Variants in XRN2 observed in about 807,000 individuals in gnomAD.
XRN2 encodes the protein 5'-3' exoribonuclease 2, also known as DHM1-like protein.
Under a neutral mutation model 138.5 loss-of-function variants are expected in XRN2, and 44 were observed. The ratio of observed to expected loss-of-function variants is 0.32; its 90% CI spans 0.25 to 0.41. XRN2 has a LOEUF of 0.41. Ranked by LOEUF, XRN2 falls within the 10% of genes least tolerant of loss-of-function variation. The probability of loss-of-function intolerance (pLI) is 1.00; values close to 1 mark genes in which losing one functional copy is unlikely to be tolerated. For synonymous variants in XRN2, 354 were observed against 369.4 expected (o/e 0.96, Z 0.48); for missense variants, 937 against 1,169.3 (o/e 0.80, Z 2.90).
At chr20:21,360,781 A>T (rs887053187) in intron 24 of XRN2, among the ~76,000 whole-genome samples, 20 of 152,210 alleles carry the variant, frequency 1.3e-4, no homozygotes, top group Non-Finnish European at 2.5e-4. Flanking sequence ...AAGGAAGTGG[A>T]ATACATGCAG....
chr20:21,347,220 C>T (rs1285298677), intron 17 of XRN2, among the ~76,000 whole-genome samples: 1 of 151,968 alleles, frequency 6.6e-6, no homozygotes, highest in Admixed American at 6.6e-5. Context: ...GAGGACAAAC[C>T]CTGGAAAATA....
intron 26 of XRN2, among the ~76,000 whole-genome samples, chr20:21,367,791 T>C (rs1396023859): frequency 6.6e-6 from 1 of 152,182 alleles, no homozygotes. Flanking sequence ...CTTAACTTTT[T>C]CCATTATTTC....
At chr20:21,325,879 G>A (rs886512051) in intron 1 of XRN2, among the ~76,000 whole-genome samples, 2 of 152,226 alleles carry the variant, frequency 1.3e-5, no homozygotes, top group African/African-American at 4.8e-5. Flanking sequence ...TTAGGTTAGA[G>A]ATGGTAACTT....
intron 21 of XRN2, among the ~76,000 whole-genome samples, chr20:21,355,815 C>T (rs1037832375): frequency 2.0e-5 from 3 of 152,024 alleles, no homozygotes; most frequent in African/African-American, 7.2e-5. Context: ...TATCCATCAC[C>T]TCACATTTAT....
At chr20:21,352,402 A>C (rs1176971702) in intron 20 of XRN2, among the ~76,000 whole-genome samples, 1 of 151,780 alleles carries the variant, frequency 6.6e-6, no homozygotes, top group African/African-American at 2.4e-5. Context: ...ATCTCGGCTC[A>C]CTGTAACCTC....
At chr20:21,374,535 C>CT (rs2038797506) in intron 27 of XRN2, among the ~76,000 whole-genome samples, 1 of 151,994 alleles carries the variant, frequency 6.6e-6, no homozygotes. Flanking sequence ...TTATCAGATG[C>CT]TTTTTTCTCT....
chr20:21,322,197 A>G (rs2038055792), intron 1 of XRN2, among the ~76,000 whole-genome samples: 1 of 152,236 alleles, frequency 6.6e-6, no homozygotes, highest in South Asian at 2.1e-4. Flanking sequence ...TATCACGTTA[A>G]GTGCTCCGTA....
At chr20:21,338,452 A>G (rs752570763) in intron 13 of XRN2, among the ~76,000 whole-genome samples, 17 of 151,880 alleles carry the variant, frequency 1.1e-4, no homozygotes, top group Admixed American at 3.3e-4. Flanking sequence ...ATACACCTCA[A>G]TTTCCTTCCT....
At chr20:21,386,798 C>T (rs956128064) in intron 28 of XRN2, 70 bp from the exon 29 acceptor site, 1 of 1,536,018 alleles carries the variant, frequency 6.5e-7, no homozygotes, top group Non-Finnish European at 8.8e-7. Context: ...GGAGATGATA[C>T]CTGCCGATTT....
intron 1 of XRN2, among the ~76,000 whole-genome samples, chr20:21,324,526 T>A (rs1264443682): frequency 6.6e-6 from 1 of 150,992 alleles, no homozygotes; most frequent in African/African-American, 2.4e-5. Flanking sequence ...AGTATGTTTG[T>A]GACCATCTAG....
rs542153690 is a variant in XRN2 at position 21,376,822 on chromosome 20, G to T, written c.2585-5172G>T. Among the ~76,000 whole-genome samples, 40 of 152,306 alleles carry T rather than the reference G, an allele frequency of 2.6e-4. No individual in the cohort carries two copies. The South Asian group carries it at 8.3e-3, about 32-fold the overall frequency. Reference sequence around the variant, plus strand: ...AGGGTGAAGGAATATGAAAGAATGTGATGAGTGAGTTTGTGGGGGTCAAAG... The same window carrying T: ...AGGGTGAAGGAATATGAAAGAATGTTATGAGTGAGTTTGTGGGGGTCAAAG... On this transcript the variant is annotated intron_variant, in intron 27 of 29. Coordinates refer to ENST00000377191, the MANE Select transcript of XRN2 (RefSeq NM_012255.5).
Position 21,333,842 on chromosome 20 carries a change from G to C in XRN2, c.1067+5G>C. On this transcript the variant is annotated splice_donor_5th_base_variant and intron_variant, in intron 11 of 29. Coordinates refer to ENST00000377191, the MANE Select transcript of XRN2 (RefSeq NM_012255.5). ...TTTGCCATCGTTAGAGATTAGGTATGTGCATTTGTGTAGCTTTTCAAACGA... is the reference window on the plus strand; with the variant it reads ...TTTGCCATCGTTAGAGATTAGGTATCTGCATTTGTGTAGCTTTTCAAACGA... The C allele has an allele frequency of 6.2e-7, 1 of 1,614,124 alleles. No individual in the cohort carries two copies. Among genetic ancestry groups the C allele is most frequent in the Non-Finnish European group, 8.5e-7 (1 of 1,180,002 alleles).
Position 21,373,227 on chromosome 20 carries a change from C to T in XRN2, c.2584+4637C>T, listed in dbSNP as rs185288935. 2.6e-5 allele frequency among the ~76,000 whole-genome samples: 4 copies of T among 152,326 alleles called. No homozygotes were observed. The East Asian group carries it at 5.8e-4, about 22-fold the overall frequency. The stretch of plus-strand genomic sequence containing the variant: ...GTTTCACCATGTTGGCCAGGCTGGT[C>T]TCCAACTCCTGACCTCGTGATCTGC... On this transcript the variant is annotated intron_variant, in intron 27 of 29. Transcript: ENST00000377191.
chr20:21,337,466 CAT>C (rs961107377), intron 13 of XRN2, among the ~76,000 whole-genome samples: 9 of 152,236 alleles, frequency 5.9e-5, no homozygotes, highest in African/African-American at 2.2e-4. Context: ...CTATTTCAGA[CAT>C]GTGAAGTTTG....
chr20:21,331,421 A>G (rs1198559306), intron 6 of XRN2, 140 bp from the exon 7 acceptor site: 2 of 681,002 alleles, frequency 2.9e-6, no homozygotes, highest in Non-Finnish European at 5.1e-6. Flanking sequence ...ACACACACAC[A>G]CACACACACA....
rs2038244381 is a variant in XRN2, at chr20:21,333,572, G to T, written c.887G>T (p.Cys296Phe). The change falls in exon 10 of 30, where the codon TGT becomes TTT. Residue 296 changes from cysteine to phenylalanine, a missense_variant. By Grantham distance (205) the Cys-to-Phe change is radical. This residue lies in a region of XRN2 where 471 missense variants were observed against 581.2 expected (regional missense o/e 0.81). Coordinates refer to ENST00000377191, the MANE Select transcript of XRN2 (RefSeq NM_012255.5). ...KHDELADSLPCAEGEFIFLRL... is the reference protein window; with the variant it reads ...KHDELADSLPFAEGEFIFLRL... Reference sequence around the variant, plus strand: ...GATGAACTTGCCGATAGTCTTCCTTGTGCAGAAGGAGAGTTTATCTTCCTT... The same window carrying T: ...GATGAACTTGCCGATAGTCTTCCTTTTGCAGAAGGAGAGTTTATCTTCCTT... The T allele has an allele frequency of 1.2e-6, 2 of 1,613,598 alleles. No individual in the cohort carries two copies. The highest frequency in any genetic ancestry group is 4.5e-5 in the East Asian group (2 of 44,858).
In XRN2 at chr20:21,326,559, T is replaced by C; in HGVS notation, c.273T>C (p.Ile91=). The C allele has an allele frequency of 6.2e-7, 1 of 1,614,038 alleles. No individual in the cohort carries two copies. The highest frequency in any genetic ancestry group is 8.5e-7 in the Non-Finnish European group (1 of 1,179,964). ...AGTACATTGACAGACTTTTCAGTAT[T>C]GTAAGACCAAGAAGACTTCTCTACA... ...IFEYIDRLFS[I]VRPRRLLYMA... Residue 91 remains isoleucine (I), a synonymous_variant, in exon 3 of 30, where the codon ATT becomes ATC. Transcript: ENST00000377191.
intron 19 of XRN2, among the ~76,000 whole-genome samples, chr20:21,349,100 G>T (rs1248680773): frequency 6.6e-6 from 1 of 152,190 alleles, no homozygotes; most frequent in Non-Finnish European, 1.5e-5. Context: ...CAGCCGGGAA[G>T]TAGGAAATGT....
rs567696762 is a variant in XRN2, at chr20:21,303,885, G to C, written c.75+412G>C. 5 of 983,120 alleles carry C rather than the reference G, an allele frequency of 5.1e-6. No homozygotes were observed. The East Asian group carries it at 5.7e-4, about 112-fold the overall frequency. The allele number at this position is 983,120 out of a possible 1,614,324, so 60.9% of individuals were successfully genotyped here. On this transcript the variant is annotated intron_variant, in intron 1 of 29. Coordinates refer to ENST00000377191, the MANE Select transcript of XRN2 (RefSeq NM_012255.5). ...AGCGGGTTATGGATGCACGGATTCG[G>C]AGGCCAGCTTTTTGACAACCTTGTA...
Sources: allele counts gnomAD v4.1 joint callset (sites outside exome capture counted in the v4.1 genomes callset), GRCh38; gene constraint gnomAD v4.1.1; regional missense constraint gnomAD v4.1.1; transcripts MANE v1.5; gene names NCBI Gene and HGNC (gene_info 2026-07-23, HGNC 2026-07-21).